The following TMOD1 variants were observed in gnomAD, a reference collection of about 807,000 sequenced individuals.
The protein encoded by TMOD1 is tropomodulin-1.
Under a neutral mutation model 40.6 loss-of-function variants are expected in TMOD1, and 17 were observed. The observed-to-expected ratio is 0.42, with a 90% CI of 0.29 to 0.63. The LOEUF is 0.63. TMOD1 is among the 20% of genes least tolerant of loss of function. The pLI is 0.22. For missense variants in TMOD1, 391 were observed against 447.6 expected (o/e 0.87, Z 1.14); for synonymous variants, 181 against 175.0 (o/e 1.03, Z -0.27).
chr9:97,570,772 T>C (rs745665272), intron 8 of TMOD1, among the ~76,000 whole-genome samples: 33 of 152,208 alleles, frequency 2.2e-4, no homozygotes, highest in Non-Finnish European at 3.8e-4. Flanking sequence ...TCGTGCATAT[T>C]GTTCACAGCA....
chr9:97,506,662 G>C (rs1434596650), intron 1 of TMOD1, among the ~76,000 whole-genome samples: 1 of 152,244 alleles, frequency 6.6e-6, no homozygotes, highest in Non-Finnish European at 1.5e-5. Flanking sequence ...CCATGAGGGA[G>C]GAACAGCAAG....
In TMOD1 at chr9:97,502,911, G is replaced by T. The variant is rs1317798320; in HGVS notation, c.-49+1108G>T. Among the ~76,000 whole-genome samples the T allele has an allele frequency of 6.6e-6, 1 of 152,090 alleles. No individual in the cohort carries two copies. Among genetic ancestry groups the T allele is most frequent in the Non-Finnish European group, 1.5e-5 (1 of 68,018 alleles). On this transcript the variant is annotated intron_variant, in intron 1 of 9. Transcript: ENST00000259365. This position sits in a 1 kb window ranked among gnomAD's most constrained non-coding sequence, Gnocchi z 6.1. ...TCCCGGTCTATATCGGGCCTATGAT[G>T]CGTCCTCCAACCTGCGCAGCGCCGC...
At chr9:97,562,618 C>A (rs1171350934) in intron 4 of TMOD1, 114 bp from the exon 5 acceptor site, 4 of 675,484 alleles carry the variant, frequency 5.9e-6, no homozygotes, top group Non-Finnish European at 9.7e-6. Flanking sequence ...AGTTTTCATG[C>A]AAGTGTTTCT....
chr9:97,576,602 A>G (rs1398570635), intron 8 of TMOD1, among the ~76,000 whole-genome samples: 1 of 152,066 alleles, frequency 6.6e-6, no homozygotes, highest in African/African-American at 2.4e-5. Context: ...CATGCATAGA[A>G]ACACAACTCA....
In TMOD1 at chr9:97,601,326, C is replaced by T; in HGVS notation, c.*1628C>T. On this transcript the variant is annotated 3_prime_UTR_variant, in exon 10 of 10. Transcript: ENST00000259365. ...CTGGCACACTGGCCAGAAGACTGGGCAGCCACCATGGCAGTGCTGGATGAC... is the reference window on the plus strand; with the variant it reads ...CTGGCACACTGGCCAGAAGACTGGGTAGCCACCATGGCAGTGCTGGATGAC... 8.7e-7 allele frequency: 1 copy of T among 1,154,402 alleles called. No individual in the cohort carries two copies. Among genetic ancestry groups the T allele is most frequent in the South Asian group, 1.7e-5 (1 of 58,664 alleles). 71.5% of individuals were successfully genotyped at this position (1,154,402 alleles called of 1,614,324 possible).
At chr9:97,553,988 C>T (rs925750180) in intron 4 of TMOD1, among the ~76,000 whole-genome samples, 4 of 152,166 alleles carry the variant, frequency 2.6e-5, no homozygotes, top group Non-Finnish European at 4.4e-5. Context: ...CTGCCTCCCC[C>T]GACTTCTCTG....
At chr9:97,579,419 A>T (rs1003286059) in intron 8 of TMOD1, among the ~76,000 whole-genome samples, 1 of 152,138 alleles carries the variant, frequency 6.6e-6, no homozygotes, top group Non-Finnish European at 1.5e-5. Context: ...TGCATTAACC[A>T]ACATGGTAGT....
intron 3 of TMOD1, among the ~76,000 whole-genome samples, chr9:97,546,732 C>T (rs1346490675): frequency 1.3e-5 from 2 of 151,990 alleles, no homozygotes; most frequent in African/African-American, 4.8e-5. Context: ...AGTTCAAGAC[C>T]AGCCTGGCCA....
chr9:97,598,564 G>A (rs550102981), intron 9 of TMOD1, among the ~76,000 whole-genome samples: 6 of 152,326 alleles, frequency 3.9e-5, no homozygotes, highest in Admixed American at 2.0e-4. Flanking sequence ...CTTTGGTCAC[G>A]TTGAGCAAAC....
chr9:97,505,557 C>T (rs756216208), intron 1 of TMOD1, among the ~76,000 whole-genome samples: 6 of 152,292 alleles, frequency 3.9e-5, no homozygotes, highest in African/African-American at 9.6e-5. Context: ...TGCTGCCCAT[C>T]GCTTTGCTGT....
At chr9:97,547,083 C>G (rs1338796458) in intron 3 of TMOD1, among the ~76,000 whole-genome samples, 1 of 152,262 alleles carries the variant, frequency 6.6e-6, no homozygotes, top group East Asian at 1.9e-4. Context: ...TGCAGCTTCC[C>G]TTCCTTCGTC....
At chr9:97,578,619 A>T (rs1202657161) in intron 8 of TMOD1, among the ~76,000 whole-genome samples, 1 of 152,106 alleles carries the variant, frequency 6.6e-6, no homozygotes, top group Admixed American at 6.5e-5. Context: ...TCTGTCATGA[A>T]TAAGCCGAGG....
At chr9:97,598,435 A>G (rs969600478) in intron 9 of TMOD1, among the ~76,000 whole-genome samples, 2 of 151,960 alleles carry the variant, frequency 1.3e-5, no homozygotes, top group Admixed American at 1.3e-4. Context: ...ATAAAATGGG[A>G]ATGGTAACTA....
chr9:97,550,480 C>T (rs1456991245), intron 3 of TMOD1, among the ~76,000 whole-genome samples: 1 of 152,206 alleles, frequency 6.6e-6, no homozygotes, highest in African/African-American at 2.4e-5. Context: ...TACCACTTTA[C>T]ACTCCAATCA....
intron 8 of TMOD1, among the ~76,000 whole-genome samples, chr9:97,569,737 A>G (rs941104570): frequency 6.6e-6 from 1 of 152,098 alleles, no homozygotes; most frequent in Non-Finnish European, 1.5e-5. Context: ...CTTCACAACA[A>G]CCCTACAGAA....
chr9:97,544,133 A>G (rs1467165909), intron 2 of TMOD1, among the ~76,000 whole-genome samples: 1 of 152,180 alleles, frequency 6.6e-6, no homozygotes, highest in Admixed American at 6.5e-5. Flanking sequence ...GGCCCTGCTC[A>G]CTTACAGCCC....
At chr9:97,507,324 CA>C (rs1272559694) in intron 1 of TMOD1, among the ~76,000 whole-genome samples, 1 of 152,148 alleles carries the variant, frequency 6.6e-6, no homozygotes, top group Non-Finnish European at 1.5e-5. Context: ...TTCCTCCATG[CA>C]AACCAAGAGA....
intron 8 of TMOD1, among the ~76,000 whole-genome samples, chr9:97,589,117 C>CAA (rs755141854): frequency 5.9e-5 from 4 of 67,472 alleles, no homozygotes; most frequent in Admixed American, 1.6e-4. Flanking sequence ...GACTCTGTCT[C>CAA]AAAAAAAAAA....
intron 8 of TMOD1, among the ~76,000 whole-genome samples, chr9:97,577,748 C>T (rs1046096257): frequency 4.6e-5 from 7 of 151,592 alleles, no homozygotes; most frequent in Admixed American, 6.6e-5. Context: ...CCAGTCTGGG[C>T]GACAGAACAA....
Sources: gnomAD v4.1 joint callset for allele counts (sites outside exome capture counted in the v4.1 genomes callset) on GRCh38, gnomAD v4.1.1 for gene constraint, Gnocchi (gnomAD v3.1) non-coding constraint, MANE v1.5 for transcripts, NCBI Gene and HGNC (gene_info 2026-07-23, HGNC 2026-07-21) for gene names.